The following ADAMTS18 variants were observed in gnomAD, a reference collection of about 807,000 sequenced individuals.
The protein encoded by ADAMTS18 is A disintegrin and metalloproteinase with thrombospondin motifs 18.
Under a neutral mutation model 165.9 loss-of-function variants are expected in ADAMTS18, and 157 were observed. The observed-to-expected ratio is 0.95, with a 90% CI of 0.83 to 1.08. The LOEUF is 1.08. Ranked by LOEUF, ADAMTS18 falls within the 50% of genes least tolerant of loss-of-function variation. ADAMTS18 has a pLI of 0.00. For missense variants in ADAMTS18, 2,040 were observed against 1,534.0 expected (o/e 1.33, Z -5.51); for synonymous variants, 782 against 578.2 (o/e 1.35, Z -5.06).
At chr16:77,393,733 C>T (rs962059241) in intron 3 of ADAMTS18, among the ~76,000 whole-genome samples, 1 of 152,180 alleles carries the variant, frequency 6.6e-6, no homozygotes, top group African/African-American at 2.4e-5. Context: ...TACATTTCTG[C>T]TGTTTATAAG....
chr16:77,393,067 G>A (rs906403259), intron 3 of ADAMTS18, among the ~76,000 whole-genome samples: 1 of 152,218 alleles, frequency 6.6e-6, no homozygotes, highest in Non-Finnish European at 1.5e-5. Context: ...TTCACTGAAA[G>A]TCAGCTGCAT....
At chr16:77,302,454 G>A (rs941594045) in intron 16 of ADAMTS18, among the ~76,000 whole-genome samples, 1 of 152,082 alleles carries the variant, frequency 6.6e-6, no homozygotes, top group Non-Finnish European at 1.5e-5. Context: ...GTTACAGTGC[G>A]CTAAGGCCCA....
chr16:77,364,240 T>G lies in ADAMTS18; in HGVS notation c.920A>C (p.Glu307Ala), dbSNP rs2056758597. 6.2e-7 allele frequency: 1 copy of G among 1,614,050 alleles called. No homozygotes were observed. The highest frequency in any genetic ancestry group is 1.3e-5 in the African/African-American group (1 of 74,998). ...TLVVADKKMVEKHGKGNVTTY... is the reference protein window; with the variant it reads ...TLVVADKKMVAKHGKGNVTTY... Reference sequence around the variant, plus strand: ...GGTGACATTTCCCTTGCCATGCTTTTCCACCATTTTCTTGTCTGCCACCAC... The same window carrying G: ...GGTGACATTTCCCTTGCCATGCTTTGCCACCATTTTCTTGTCTGCCACCAC... Residue 307 changes from glutamate (E) to alanine (A), a missense_variant, in exon 5 of 23, where the codon GAA becomes GCA. Coordinates refer to ENST00000282849, the MANE Select transcript of ADAMTS18 (RefSeq NM_199355.4).
chr16:77,378,283 C>G (rs2056980602), intron 3 of ADAMTS18, among the ~76,000 whole-genome samples: 1 of 151,258 alleles, frequency 6.6e-6, no homozygotes, highest in Non-Finnish European at 1.5e-5. Flanking sequence ...TGTGATTGCA[C>G]CAATGCTGTC....
At position 77,362,189 on chromosome 16, in the gene ADAMTS18, T is replaced by G. The variant is rs780161760; in HGVS notation, c.1132A>C (p.Lys378Gln). The G allele has an allele frequency of 2.5e-6, 4 of 1,614,170 alleles. No homozygotes were observed. Among genetic ancestry groups the G allele is most frequent in the Non-Finnish European group, 3.4e-6 (4 of 1,180,026 alleles). ...GCATGATCATGTCTCTTGCCATTCTTTCCAATGAGGGCAGACTGCCATTGA... is the reference window on the plus strand; with the variant it reads ...GCATGATCATGTCTCTTGCCATTCTGTCCAATGAGGGCAGACTGCCATTGA... The part of the protein sequence containing the change: ...FCQWQSALIG[K>Q]NGKRHDHAIL... The change falls in exon 7 of 23, where the codon AAG (lysine) becomes CAG (glutamine). Residue 378 changes from lysine (K) to glutamine (Q), a missense_variant. Coordinates refer to ENST00000282849, the MANE Select transcript of ADAMTS18 (RefSeq NM_199355.4).
At chr16:77,360,885 G>A (rs542424379) in intron 7 of ADAMTS18, among the ~76,000 whole-genome samples, 125 of 152,170 alleles carry the variant, frequency 8.2e-4, no homozygotes, top group African/African-American at 2.8e-3. Flanking sequence ...TCAGGAGTTC[G>A]AGACCAGCCT....
At chr16:77,312,855 A>C (rs575251872) in intron 16 of ADAMTS18, among the ~76,000 whole-genome samples, 1 of 152,092 alleles carries the variant, frequency 6.6e-6, no homozygotes, top group Non-Finnish European at 1.5e-5. Context: ...GGGACTGTAA[A>C]CTAGTTCAAC....
chr16:77,364,423 T>C (rs1379304124), intron 4 of ADAMTS18, 42 bp from the exon 5 acceptor site: 4 of 1,596,952 alleles, frequency 2.5e-6, no homozygotes, highest in East Asian at 2.2e-5. Context: ...TATTAGAGAA[T>C]ATCTGGATAA....
At chr16:77,354,971 T>C (rs1205333590) in intron 9 of ADAMTS18, among the ~76,000 whole-genome samples, 1 of 152,190 alleles carries the variant, frequency 6.6e-6, no homozygotes, top group Admixed American at 6.5e-5. Context: ...AGTCTGTTGA[T>C]TTTTTACCAC....
chr16:77,390,323 C>T (rs1214675275), intron 3 of ADAMTS18, among the ~76,000 whole-genome samples: 1 of 152,154 alleles, frequency 6.6e-6, no homozygotes, highest in African/African-American at 2.4e-5. Context: ...AAGGAGGTTA[C>T]TCAGATCTTT....
chr16:77,335,804 G>A lies in ADAMTS18; in HGVS notation c.1811C>T (p.Thr604Ile). Residue 604 changes from threonine to isoleucine, a missense_variant, in exon 12 of 23, where the codon ACA (threonine) becomes ATA (isoleucine). Transcript: ENST00000282849. ...AWSKWSECSR[T>I]CGGGVKFQER... ...CTGGAACTTGACTCCTCCACCACAT[G>A]TCCGGGAACATTCTGACCACTTCGA... 1.2e-6 allele frequency: 2 copies of A among 1,614,168 alleles called. No individual in the cohort carries two copies. The highest frequency in any genetic ancestry group is 1.7e-6 in the Non-Finnish European group (2 of 1,180,030).
At chr16:77,338,206 A>G (rs1327913413) in intron 11 of ADAMTS18, among the ~76,000 whole-genome samples, 1 of 152,014 alleles carries the variant, frequency 6.6e-6, no homozygotes, top group African/African-American at 2.4e-5. Context: ...GCCTGGCTCC[A>G]TCTTTTCATA....
chr16:77,432,561 A>T (rs1310640716), intron 2 of ADAMTS18: 1 of 152,196 alleles, frequency 6.6e-6, no homozygotes, highest in Non-Finnish European at 1.5e-5. Flanking sequence ...CCACAAAATG[A>T]TTTGGAATAT....
chr16:77,344,982 T>C (rs1233856085), intron 10 of ADAMTS18, among the ~76,000 whole-genome samples: 1 of 152,084 alleles, frequency 6.6e-6, no homozygotes, highest in Non-Finnish European at 1.5e-5. Context: ...CCCTTATCTA[T>C]AATTCCCTGG....
At chr16:77,396,667 G>A (rs1179502708) in intron 3 of ADAMTS18, among the ~76,000 whole-genome samples, 4 of 152,146 alleles carry the variant, frequency 2.6e-5, no homozygotes, top group African/African-American at 7.2e-5. Context: ...ATTCCAAGAA[G>A]GCATGTAAGA....
chr16:77,387,365 G>A (rs2057123030), intron 3 of ADAMTS18, among the ~76,000 whole-genome samples: 2 of 152,114 alleles, frequency 1.3e-5, no homozygotes, highest in African/African-American at 4.8e-5. Context: ...GATGGCTCAG[G>A]TCATCGCTGT....
intron 3 of ADAMTS18, among the ~76,000 whole-genome samples, chr16:77,373,905 T>C (rs2056912976): frequency 6.6e-6 from 1 of 152,068 alleles, no homozygotes; most frequent in South Asian, 2.1e-4. Context: ...TGCATGCCAC[T>C]TGTTATCAGC....
chr16:77,378,372 C>T (rs1329032518), intron 3 of ADAMTS18, among the ~76,000 whole-genome samples: 1 of 151,030 alleles, frequency 6.6e-6, no homozygotes, highest in African/African-American at 2.4e-5. Context: ...AAACCAAGCC[C>T]TTTACTTAGA....
At chr16:77,329,621 G>A (rs373074265) in intron 12 of ADAMTS18, among the ~76,000 whole-genome samples, 6 of 152,122 alleles carry the variant, frequency 3.9e-5, no homozygotes, top group Non-Finnish European at 8.8e-5. Flanking sequence ...ACCCTGTGCT[G>A]AGTATTATGT....
Sources: allele counts gnomAD v4.1 joint callset (sites outside exome capture counted in the v4.1 genomes callset), GRCh38; gene constraint gnomAD v4.1.1; transcripts MANE v1.5; gene names NCBI Gene and HGNC (gene_info 2026-07-23, HGNC 2026-07-21).